Variants in EDA observed in about 807,000 individuals in gnomAD.
The protein encoded by EDA is ectodysplasin-A.
EDA carries 2 observed loss-of-function variants against 23.6 expected under a neutral mutation model. The ratio of observed to expected loss-of-function variants is 0.08; its 90% confidence interval spans 0.03 to 0.27. The LOEUF is 0.27. Ranked by LOEUF, EDA falls within the 10% of genes least tolerant of loss-of-function variation. EDA has a pLI of 1.00. For synonymous variants in EDA, 131 were observed against 132.0 expected (o/e 0.99, Z 0.05); for missense variants, 229 against 324.2 (o/e 0.71, Z 2.26).
intron 2 of EDA, among the ~76,000 whole-genome samples, chrX:69,972,224 CCTT>C (rs1340571135): frequency 8.1e-5 from 9 of 111,344 alleles, no homozygotes; most frequent in South Asian, 3.8e-4. Flanking sequence ...TATTATCTCC[CCTT>C]CTTCTCCCAA....
At chrX:69,815,344 G>C (rs2016054376) in intron 1 of EDA, among the ~76,000 whole-genome samples, 1 of 109,724 alleles carries the variant, frequency 9.1e-6, no homozygotes, top group African/African-American at 3.3e-5. Context: ...TCCTCGCTGG[G>C]TGGGACATCC....
chrX:69,699,936 G>A (rs951395985), intron 1 of EDA, among the ~76,000 whole-genome samples: 3 of 110,688 alleles, frequency 2.7e-5, no homozygotes, highest in East Asian at 2.9e-4. Context: ...AAAATATCCC[G>A]CTAGTCCTAG....
At chrX:70,015,427 G>T (rs961830668) in intron 2 of EDA, among the ~76,000 whole-genome samples, 2 of 111,243 alleles carry the variant, frequency 1.8e-5, no homozygotes, top group African/African-American at 3.3e-5. Flanking sequence ...ACAAAAATTA[G>T]TCGGGCATGG....
intron 1 of EDA, among the ~76,000 whole-genome samples, chrX:69,752,501 G>A (rs1304659283): frequency 9.0e-6 from 1 of 111,597 alleles, no homozygotes; most frequent in Non-Finnish European, 1.9e-5. Flanking sequence ...GAGGATTTTT[G>A]CATCGATGTT....
At chrX:69,959,635 C>T (rs1166584292) in intron 2 of EDA, among the ~76,000 whole-genome samples, 1 of 111,389 alleles carries the variant, frequency 9.0e-6, no homozygotes, top group Non-Finnish European at 1.9e-5. Context: ...CTAGTAGACC[C>T]TCAATAAATA....
At chrX:69,804,096 A>G (rs1232431000) in intron 1 of EDA, among the ~76,000 whole-genome samples, 1 of 110,938 alleles carries the variant, frequency 9.0e-6, no homozygotes, top group Admixed American at 9.6e-5. Flanking sequence ...AATTTTGGCT[A>G]TTGCAAATAG....
At chrX:70,008,234 G>T (rs770944700) in intron 2 of EDA, among the ~76,000 whole-genome samples, 6 of 112,010 alleles carry the variant, frequency 5.4e-5, no homozygotes, top group Non-Finnish European at 9.4e-5. Flanking sequence ...CATTAAATTA[G>T]CTGTATGGTA....
intron 1 of EDA, among the ~76,000 whole-genome samples, chrX:69,713,018 A>G (rs1190680233): frequency 2.1e-5 from 2 of 95,669 alleles, no homozygotes; most frequent in South Asian, 1.1e-3. Context: ...AACAATGAGA[A>G]CACATGGACA....
At chrX:69,695,512 CT>C (rs34298428) in intron 1 of EDA, among the ~76,000 whole-genome samples, 114 of 88,816 alleles carry the variant, frequency 1.3e-3, no homozygotes, top group South Asian at 1.7e-3. Context: ...TTCCTTCTTT[CT>C]TTTTTTTTTT....
chrX:69,663,756 G>T (rs1412068639), intron 1 of EDA, among the ~76,000 whole-genome samples: 1 of 112,330 alleles, frequency 8.9e-6, no homozygotes, highest in Non-Finnish European at 1.9e-5. Context: ...CAGCCAGGAG[G>T]GGGCTGTACC....
intron 1 of EDA, among the ~76,000 whole-genome samples, chrX:69,710,413 T>C (rs1024465960): frequency 1.8e-5 from 2 of 111,268 alleles, no homozygotes; most frequent in Non-Finnish European, 3.8e-5. Context: ...TTAGTATAGT[T>C]TGAAGTCAGG....
At chrX:69,895,395 T>TAC (rs200298403) in intron 1 of EDA, among the ~76,000 whole-genome samples, 10,182 of 85,936 alleles carry the variant, frequency 0.12, 577 homozygotes, top group Middle Eastern at 0.16. Context: ...TTTCTCAACC[T>TAC]ACACACACAC....
intron 1 of EDA, among the ~76,000 whole-genome samples, chrX:69,919,001 A>C (rs1364978153): frequency 9.0e-6 from 1 of 111,329 alleles, no homozygotes; most frequent in Non-Finnish European, 1.9e-5. Context: ...AAAAAAAAAA[A>C]ACTCTTGGGT....
intron 1 of EDA, among the ~76,000 whole-genome samples, chrX:69,682,927 T>C (rs770062452): frequency 4.8e-4 from 54 of 111,581 alleles, no homozygotes; most frequent in African/African-American, 1.7e-3. Context: ...CAATACGTTA[T>C]AGATGATGCT....
intron 1 of EDA, among the ~76,000 whole-genome samples, chrX:69,630,442 T>C (rs1932529927): frequency 8.9e-6 from 1 of 111,824 alleles, no homozygotes; most frequent in East Asian, 2.8e-4. Flanking sequence ...ATGCTTATTT[T>C]GGTCTGTTTT....
At chrX:69,743,237 C>T (rs1477635791) in intron 1 of EDA, among the ~76,000 whole-genome samples, 2 of 111,592 alleles carry the variant, frequency 1.8e-5, no homozygotes, top group African/African-American at 6.5e-5. Context: ...CCACTGCCGC[C>T]GTTGCTACTA....
At chrX:69,679,985 G>A (rs991285477) in intron 1 of EDA, among the ~76,000 whole-genome samples, 3 of 107,799 alleles carry the variant, frequency 2.8e-5, no homozygotes, top group African/African-American at 1.0e-4. Flanking sequence ...TCTACACACT[G>A]CTTTGAATGC....
At chrX:69,728,243 C>CA (rs71895672) in intron 1 of EDA, among the ~76,000 whole-genome samples, 38,626 of 91,876 alleles carry the variant, frequency 0.42, 7,186 homozygotes, top group East Asian at 0.88. Context: ...GACTCCATCT[C>CA]AAAAAAAAAA....
chrX:70,015,342 G>A (rs952913666), intron 2 of EDA, among the ~76,000 whole-genome samples: 5 of 111,838 alleles, frequency 4.5e-5, no homozygotes, highest in Non-Finnish European at 9.4e-5. Flanking sequence ...GGAGGCCAAC[G>A]CGGGTGGATC....
Sources: gnomAD v4.1 joint callset for allele counts (sites outside exome capture counted in the v4.1 genomes callset) on GRCh38, gnomAD v4.1.1 for gene constraint, MANE v1.5 for transcripts, NCBI Gene and HGNC (gene_info 2026-07-23, HGNC 2026-07-21) for gene names.